Variants in DGKG observed in about 807,000 individuals in gnomAD.
DGKG encodes the protein diacylglycerol kinase gamma, also known as DAG kinase gamma.
A neutral mutation model predicts 105.3 loss-of-function variants in DGKG; 78 were observed. The ratio of observed to expected loss-of-function variants is 0.74; its 90% CI spans 0.62 to 0.89. The LOEUF (loss-of-function observed/expected upper bound fraction) is 0.89. Among genes scored for constraint, DGKG ranks in the 40% least tolerant of loss-of-function variants. The probability of loss-of-function intolerance (pLI) is 0.00; values close to 1 mark genes in which losing one functional copy is unlikely to be tolerated. For missense variants in DGKG, 958 were observed against 1,020.1 expected (o/e 0.94, Z 0.83); for synonymous variants, 346 against 367.1 (o/e 0.94, Z 0.66).
chr3:186,206,111 C>A (rs1356151734), intron 21 of DGKG, among the ~76,000 whole-genome samples: 2 of 152,102 alleles, frequency 1.3e-5, no homozygotes, highest in Non-Finnish European at 2.9e-5. Flanking sequence ...TTGGGCCAGG[C>A]ACAGTGGCTT....
chr3:186,263,323 T>G (rs1430905593), intron 14 of DGKG, among the ~76,000 whole-genome samples: 1 of 151,834 alleles, frequency 6.6e-6, no homozygotes, highest in East Asian at 2.0e-4. Context: ...TCCTAGCACT[T>G]TGGGAGGCTG....
intron 5 of DGKG, among the ~76,000 whole-genome samples, chr3:186,295,738 T>G (rs912132285): frequency 1.3e-5 from 2 of 150,400 alleles, no homozygotes; most frequent in African/African-American, 4.9e-5. Context: ...AGACCTTTCA[T>G]GGGAAGAGGA....
chr3:186,235,262 C>T (rs1396855431), intron 20 of DGKG, among the ~76,000 whole-genome samples: 5 of 152,278 alleles, frequency 3.3e-5, no homozygotes, highest in African/African-American at 1.2e-4. Flanking sequence ...AGAAAAAACA[C>T]AGAAAATCCC....
At chr3:186,354,944 C>T (rs1245381114) in intron 1 of DGKG, among the ~76,000 whole-genome samples, 1 of 152,120 alleles carries the variant, frequency 6.6e-6, no homozygotes, top group Non-Finnish European at 1.5e-5. Context: ...TTGGCTCCTT[C>T]TCTGATCTCA....
chr3:186,356,380 G>T (rs1011248649), intron 1 of DGKG, among the ~76,000 whole-genome samples: 2 of 152,184 alleles, frequency 1.3e-5, no homozygotes, highest in African/African-American at 4.8e-5. Flanking sequence ...AAGATAAAAT[G>T]AGAAACAATG....
intron 20 of DGKG, among the ~76,000 whole-genome samples, chr3:186,227,620 G>C (rs1719918611): frequency 6.6e-6 from 1 of 152,146 alleles, no homozygotes; most frequent in African/African-American, 2.4e-5. Flanking sequence ...TTCCTGATAA[G>C]TACAGTGAAA....
At chr3:186,344,766 C>T (rs965505552) in intron 1 of DGKG, among the ~76,000 whole-genome samples, 1 of 152,120 alleles carries the variant, frequency 6.6e-6, no homozygotes, top group Non-Finnish European at 1.5e-5. Flanking sequence ...ATAAATAAGT[C>T]AATAAAATTC....
chr3:186,276,001 A>G (rs1039175861), intron 9 of DGKG, among the ~76,000 whole-genome samples: 11 of 151,136 alleles, frequency 7.3e-5, no homozygotes, highest in Non-Finnish European at 1.3e-4. Flanking sequence ...TCTATTATCT[A>G]TCATCTATCT....
intron 20 of DGKG, among the ~76,000 whole-genome samples, chr3:186,237,397 C>T (rs552325714): frequency 6.6e-6 from 1 of 152,268 alleles, no homozygotes; most frequent in African/African-American, 2.4e-5. Flanking sequence ...ATCATACAGC[C>T]AGTCCTGCTC....
At chr3:186,165,046 C>T (rs1195968336) in intron 22 of DGKG, 28 bp from the exon 23 acceptor site, 11 of 1,602,688 alleles carry the variant, frequency 6.9e-6, no homozygotes, top group Non-Finnish European at 8.5e-6. Flanking sequence ...AAAAGTAGTG[C>T]ATACACATCT....
intron 20 of DGKG, among the ~76,000 whole-genome samples, chr3:186,239,542 G>T (rs1191792492): frequency 2.0e-5 from 3 of 152,240 alleles, no homozygotes; most frequent in African/African-American, 7.2e-5. Flanking sequence ...CTGCTTGCCT[G>T]CCTCTCAGTG....
intron 1 of DGKG, among the ~76,000 whole-genome samples, chr3:186,352,090 C>A (rs187113739): frequency 6.6e-6 from 1 of 152,114 alleles, no homozygotes; most frequent in Non-Finnish European, 1.5e-5. Flanking sequence ...CTCCCCACTC[C>A]CCCCAGGCAA....
At chr3:186,188,449 T>TGTGC (rs1225256094) in intron 21 of DGKG, 70 bp from the exon 22 acceptor site, 51 of 1,404,378 alleles carry the variant, frequency 3.6e-5, no homozygotes, top group Non-Finnish European at 2.2e-5. Context: ...GCTCTGTGTG[T>TGTGC]GTGCGTGCGT....
intron 9 of DGKG, among the ~76,000 whole-genome samples, chr3:186,276,607 C>G (rs752771144): frequency 7.2e-4 from 110 of 152,212 alleles, no homozygotes; most frequent in Non-Finnish European, 7.9e-4. Flanking sequence ...CACCTCCTGA[C>G]TTTGTTCAGA....
rs901144935 is a variant in DGKG at position 186,226,356 on chromosome 3, A to T, written c.1827-14471T>A. On this transcript the variant is annotated intron_variant, in intron 20 of 24. Coordinates refer to ENST00000265022, the MANE Select transcript of DGKG (RefSeq NM_001346.3). This position sits in a 1 kb window ranked among gnomAD's most constrained non-coding sequence, Gnocchi z 4.2. The stretch of plus-strand genomic sequence containing the variant: ...TTGTGGAGATGGGGCCAGAGGGGGA[A>T]ATGTGTACAAGGCATGAACCAGAAC... 1.3e-5 allele frequency among the ~76,000 whole-genome samples: 2 copies of T among 152,158 alleles called. No individual in the cohort carries two copies. The highest frequency in any genetic ancestry group is 4.8e-5 in the African/African-American group (2 of 41,428).
chr3:186,290,371 G>A (rs1723259806), intron 5 of DGKG, among the ~76,000 whole-genome samples: 1 of 152,156 alleles, frequency 6.6e-6, no homozygotes. Context: ...TTTGTACTGT[G>A]TAGTGCATTA....
At chr3:186,198,793 G>A (rs1456479932) in intron 21 of DGKG, among the ~76,000 whole-genome samples, 1 of 152,204 alleles carries the variant, frequency 6.6e-6, no homozygotes, top group African/African-American at 2.4e-5. Flanking sequence ...AATAGAGAAA[G>A]TACTGGGAGT....
intron 1 of DGKG, among the ~76,000 whole-genome samples, chr3:186,354,601 C>T (rs940452167): frequency 1.6e-4 from 25 of 152,206 alleles, no homozygotes; most frequent in African/African-American, 5.5e-4. Flanking sequence ...TTTCTAGATG[C>T]CTCCATTTTT....
chr3:186,203,955 T>C lies in DGKG; in HGVS notation c.1917+7840A>G, dbSNP rs1344771301. 1.3e-5 allele frequency among the ~76,000 whole-genome samples: 2 copies of C among 152,198 alleles called. No individual in the cohort carries two copies. Among genetic ancestry groups the C allele is most frequent in the African/African-American group, 2.4e-5 (1 of 41,454 alleles). ...CAAGACTTGAAGACCTCTTTCCCTC[T>C]AGTTTAAGAGTGTGCAGCACTGCAG... On this transcript the variant is annotated intron_variant, in intron 21 of 24. Coordinates refer to ENST00000265022, the MANE Select transcript of DGKG (RefSeq NM_001346.3). This position sits in a 1 kb window ranked among gnomAD's most constrained non-coding sequence, Gnocchi z 4.9.
Sources: gnomAD v4.1 joint callset for allele counts (sites outside exome capture counted in the v4.1 genomes callset) on GRCh38, gnomAD v4.1.1 for gene constraint, Gnocchi (gnomAD v3.1) non-coding constraint, MANE v1.5 for transcripts, NCBI Gene and HGNC (gene_info 2026-07-23, HGNC 2026-07-21) for gene names.